RNF217: variants seen among roughly 807,000 people sequenced by gnomAD.
RNF217 encodes the protein E3 ubiquitin-protein ligase RNF217.
In RNF217, 31 loss-of-function variants were observed where a neutral mutation model predicts 57.8. The ratio of observed to expected loss-of-function variants is 0.54; its 90% CI spans 0.40 to 0.72. RNF217 has a LOEUF of 0.72. RNF217 is among the 30% of genes least tolerant of loss of function. The probability of loss-of-function intolerance (pLI) is 0.00; values close to 1 mark genes in which losing one functional copy is unlikely to be tolerated. For missense variants in RNF217, 696 were observed against 708.3 expected, an observed-to-expected ratio of 0.98 and a Z score of 0.20; for synonymous variants, 313 against 294.0, an observed-to-expected ratio of 1.06 and a Z score of -0.66.
intron 2 of RNF217, among the ~76,000 whole-genome samples, chr6:125,045,881 G>A (rs1787078978): frequency 6.6e-6 from 1 of 151,984 alleles, no homozygotes; most frequent in East Asian, 1.9e-4. Flanking sequence ...ACAGAATGCT[G>A]TATATGCTAG....
rs147258478 is a variant in RNF217, at chr6:125,073,942, A to T, written c.1282-2715A>T. Among the ~76,000 whole-genome samples the T allele has an allele frequency of 1.5e-3, 226 of 152,252 alleles. 1 individual carries two copies. Among genetic ancestry groups the T allele is most frequent in the Middle Eastern group, 6.8e-3 (2 of 294 alleles). ...AATATTATCTAACTTGACACTTGGG[A>T]GAGGTAAAGTAACTTCTTTTTAAAC... On this transcript the variant is annotated intron_variant, in intron 3 of 5. Coordinates refer to ENST00000521654, the MANE Select transcript of RNF217 (RefSeq NM_001286398.3).
intron 3 of RNF217, among the ~76,000 whole-genome samples, chr6:125,075,822 T>C (rs750791708): frequency 2.6e-5 from 4 of 152,174 alleles, no homozygotes; most frequent in Non-Finnish European, 5.9e-5. Flanking sequence ...GATTCTGAGT[T>C]GAGTTTCCAA....
At chr6:124,985,850 T>A (rs1240967379) in intron 1 of RNF217, among the ~76,000 whole-genome samples, 1 of 152,202 alleles carries the variant, frequency 6.6e-6, no homozygotes. Context: ...TATTAACATT[T>A]ATTAATAAAG....
At chr6:125,067,294 A>G (rs1192129039) in intron 3 of RNF217, among the ~76,000 whole-genome samples, 5 of 152,206 alleles carry the variant, frequency 3.3e-5, no homozygotes, top group Admixed American at 3.3e-4. Context: ...GTTGGGTTTT[A>G]TCCTCCAGAC....
chr6:125,083,147 T>TA lies in RNF217; in HGVS notation c.*216dup. 2.3e-6 allele frequency: 1 copy of TA among 437,684 alleles called. No individual in the cohort carries two copies. Among genetic ancestry groups the TA allele is most frequent in the Non-Finnish European group, 4.0e-6 (1 of 249,974 alleles). 27.1% of individuals were successfully genotyped at this position (437,684 alleles called of 1,614,324 possible). On this transcript the variant is annotated 3_prime_UTR_variant, in exon 6 of 6. Transcript: ENST00000521654. ...TCCCTAAACAAATTGCTGCTGCTTT[T>TA]AAAAAATGGTCACTTTCATAAACTA...
At chr6:125,037,186 C>G (rs1786671454) in intron 1 of RNF217, among the ~76,000 whole-genome samples, 1 of 151,718 alleles carries the variant, frequency 6.6e-6, no homozygotes, top group South Asian at 2.1e-4. Context: ...GTGCCACTGT[C>G]ACACTAATGT....
At chr6:125,006,934 A>G (rs1277540389) in intron 1 of RNF217, among the ~76,000 whole-genome samples, 1 of 152,254 alleles carries the variant, frequency 6.6e-6, no homozygotes, top group Non-Finnish European at 1.5e-5. Flanking sequence ...GGGTGACAAG[A>G]GCAAAACTCC....
In RNF217 at chr6:125,081,487, G is replaced by C. The variant is rs779617698; in HGVS notation, c.1535G>C (p.Gly512Ala). Residue 512 changes from glycine (G) to alanine (A), a missense_variant, in exon 5 of 6, where the codon GGG (glycine) becomes GCG (alanine). By Grantham distance (60) the Gly-to-Ala change is moderately conservative (BLOSUM62 0). Transcript: ENST00000521654. ...ATTATGGTTTTGGGATTGGCACTAGGGGCCATAGCGGTTGTAATCGGTAAG... is the reference window on the plus strand; with the variant it reads ...ATTATGGTTTTGGGATTGGCACTAGCGGCCATAGCGGTTGTAATCGGTAAG... ...PLIMVLGLAL[G>A]AIAVVIGLFV... 6.2e-6 allele frequency: 10 copies of C among 1,611,098 alleles called. No individual in the cohort carries two copies. The highest frequency in any genetic ancestry group is 1.7e-5 in the Admixed American group (1 of 59,774).
At chr6:124,990,902 AAAAAT>A (rs1359384955) in intron 1 of RNF217, among the ~76,000 whole-genome samples, 3 of 152,104 alleles carry the variant, frequency 2.0e-5, no homozygotes, top group Non-Finnish European at 4.4e-5. Flanking sequence ...CCATCTCTAC[AAAAAT>A]AAAAATAAAT....
At chr6:125,062,596 G>C (rs972902276) in intron 3 of RNF217, among the ~76,000 whole-genome samples, 2 of 151,748 alleles carry the variant, frequency 1.3e-5, no homozygotes, top group Non-Finnish European at 1.5e-5. Context: ...TTTTTTTTGA[G>C]ATGGAGTCTC....
intron 1 of RNF217, among the ~76,000 whole-genome samples, chr6:124,989,913 A>C (rs1784496106): frequency 6.7e-6 from 1 of 150,214 alleles, no homozygotes; most frequent in African/African-American, 2.4e-5. Context: ...CCCCCCTTGT[A>C]GGGCTCCATT....
chr6:124,985,138 A>G (rs1784327480), intron 1 of RNF217, among the ~76,000 whole-genome samples: 1 of 152,234 alleles, frequency 6.6e-6, no homozygotes, highest in South Asian at 2.1e-4. Context: ...TAAAAGTGCA[A>G]GATCCAAAAG....
intron 3 of RNF217, among the ~76,000 whole-genome samples, chr6:125,070,236 T>C (rs983412650): frequency 2.6e-5 from 4 of 152,224 alleles, no homozygotes; most frequent in Non-Finnish European, 4.4e-5. Context: ...ATAGCATGTT[T>C]TCTTTATCCA....
chr6:125,051,289 T>C (rs1419415937), intron 2 of RNF217, among the ~76,000 whole-genome samples: 2 of 151,902 alleles, frequency 1.3e-5, no homozygotes, highest in South Asian at 2.1e-4. Context: ...CTATTGTCAT[T>C]GGGTCTTTAG....
chr6:125,015,877 G>A lies in RNF217; in HGVS notation c.883-29334G>A, dbSNP rs544345914. On this transcript the variant is annotated intron_variant, in intron 1 of 5. Coordinates refer to ENST00000521654, the MANE Select transcript of RNF217 (RefSeq NM_001286398.3). The stretch of plus-strand genomic sequence containing the variant: ...TTAGAGATTAGATTAATAAAATATG[G>A]TATATTCATAGGATAGAATATAATG... Among the ~76,000 whole-genome samples, 3 of 152,122 alleles carry A rather than the reference G, an allele frequency of 2.0e-5. No individual in the cohort carries two copies. In the East Asian group the frequency reaches 5.8e-4, roughly 29 times the overall value.
At chr6:125,019,695 A>AGGT (rs1208540167) in intron 1 of RNF217, among the ~76,000 whole-genome samples, 6 of 151,996 alleles carry the variant, frequency 3.9e-5, no homozygotes, top group Non-Finnish European at 8.8e-5. Flanking sequence ...TCCTTCTTAC[A>AGGT]GGCACACTGT....
intron 1 of RNF217, among the ~76,000 whole-genome samples, chr6:124,995,214 A>T (rs186687024): frequency 1.3e-5 from 2 of 152,186 alleles, no homozygotes; most frequent in African/African-American, 4.8e-5. Context: ...GTGAAATATT[A>T]TACATACAAA....
rs761955920 is a variant in RNF217, at chr6:124,962,968, G to T, written c.424G>T (p.Ala142Ser). 1.3e-6 allele frequency: 2 copies of T among 1,597,040 alleles called. No homozygotes were observed. Among genetic ancestry groups the T allele is most frequent in the Non-Finnish European group, 1.7e-6 (2 of 1,179,268 alleles). ...GGAGCCCAGGACCCGCGTGGGGGCC[G>T]CCGACGGACTGGTCCTGGACGTGCT... ...ELEPRTRVGA[A>S]DGLVLDVLGQ... The change falls in exon 1 of 6, where the codon GCC becomes TCC. Residue 142 changes from alanine to serine, a missense_variant. Coordinates refer to ENST00000521654, the MANE Select transcript of RNF217 (RefSeq NM_001286398.3). This position sits in a 1 kb window ranked among gnomAD's most constrained non-coding sequence, Gnocchi z 4.6.
At chr6:125,014,461 TATC>T (rs1318486763) in intron 1 of RNF217, among the ~76,000 whole-genome samples, 26 of 152,228 alleles carry the variant, frequency 1.7e-4, no homozygotes, top group Non-Finnish European at 4.4e-5. Flanking sequence ...TATTTAATGT[TATC>T]ATTAAGTTAT....
Sources: allele counts gnomAD v4.1 joint callset (sites outside exome capture counted in the v4.1 genomes callset), GRCh38; gene constraint gnomAD v4.1.1; non-coding constraint Gnocchi (gnomAD v3.1); transcripts MANE v1.5; gene names NCBI Gene and HGNC (gene_info 2026-07-23, HGNC 2026-07-21).